Variants in RBBP6 observed in about 807,000 individuals in gnomAD.
RBBP6 encodes the protein RB binding protein 6, ubiquitin ligase, also known as E3 ubiquitin-protein ligase RBBP6.
RBBP6 carries 25 observed loss-of-function variants against 167.7 expected under a neutral mutation model. That is an observed-to-expected ratio of 0.15 (90% confidence interval 0.11 to 0.21). The LOEUF is 0.21. Among genes scored for constraint, RBBP6 ranks in the 10% least tolerant of loss-of-function variants. The pLI, the probability that RBBP6 is intolerant of heterozygous loss-of-function variation, is 1.00. For synonymous variants in RBBP6, 789 were observed against 735.8 expected (o/e 1.07, Z -1.17); for missense variants, 1,868 against 2,134.2 (o/e 0.88, Z 2.46).
chr16:24,572,047 A>G lies in RBBP6; in HGVS notation c.4981A>G (p.Ile1661Val), dbSNP rs151180469. ...SVKEEESSGN[I>V]SKDLKDKIVE... Reference sequence around the variant, plus strand: ...AAAAGAAGAGGAATCTTCAGGAAACATTTCTAAGGACCTGAAAGATAAAAT... The same window carrying G: ...AAAAGAAGAGGAATCTTCAGGAAACGTTTCTAAGGACCTGAAAGATAAAAT... Residue 1661 changes from isoleucine (I) to valine (V), a missense_variant, in exon 18 of 18, where the codon ATT (isoleucine) becomes GTT (valine). By Grantham distance (29) the Ile-to-Val change is conservative. Transcript: ENST00000319715. The G allele has an allele frequency of 1.5e-4, 246 of 1,614,068 alleles. No homozygotes were observed. The highest frequency in any genetic ancestry group is 2.0e-4 in the Non-Finnish European group (232 of 1,180,020).
At chr16:24,543,635 G>T (rs897975430) in intron 1 of RBBP6, among the ~76,000 whole-genome samples, 5 of 151,944 alleles carry the variant, frequency 3.3e-5, no homozygotes, top group African/African-American at 1.2e-4. Flanking sequence ...AGACTGAAAC[G>T]CTTGGGTCAG....
chr16:24,556,952 C>T (rs994415000), intron 7 of RBBP6, among the ~76,000 whole-genome samples: 10 of 150,646 alleles, frequency 6.6e-5, no homozygotes, highest in African/African-American at 2.2e-4. Context: ...TTTTATAAAC[C>T]ACTAGTTCAG....
chr16:24,545,307 C>T (rs373497987), intron 1 of RBBP6, among the ~76,000 whole-genome samples: 11 of 152,212 alleles, frequency 7.2e-5, no homozygotes, highest in African/African-American at 2.4e-4. Context: ...CTCCTGACCT[C>T]GTGATCCGCC....
At chr16:24,548,622 T>G (rs1898722295) in intron 2 of RBBP6, among the ~76,000 whole-genome samples, 3 of 152,200 alleles carry the variant, frequency 2.0e-5, no homozygotes, top group Admixed American at 1.3e-4. Context: ...ATTTTCAGTT[T>G]ATTAAGAATA....
chr16:24,563,495 A>G lies in RBBP6; in HGVS notation c.1459A>G (p.Thr487Ala). ...QSLLHGQLIP[T>A]TGPVRINTAR... Reference sequence around the variant, plus strand: ...ATTATTGCATGGACAGTTGATCCCCACAACTGGTGAGTAAGATCACTTTGG... The same window carrying G: ...ATTATTGCATGGACAGTTGATCCCCGCAACTGGTGAGTAAGATCACTTTGG... Residue 487 changes from threonine (T) to alanine (A), a missense_variant, in exon 12 of 18, where the codon ACA (threonine) becomes GCA (alanine). Around this residue, in one of 7 missense-constraint regions of RBBP6, gnomAD observed 245 missense variants for 240.1 expected, o/e 1.02. Coordinates refer to ENST00000319715, the MANE Select transcript of RBBP6 (RefSeq NM_006910.5). The G allele has an allele frequency of 1.2e-6, 2 of 1,612,768 alleles. No homozygotes were observed. Among genetic ancestry groups the G allele is most frequent in the Non-Finnish European group, 1.7e-6 (2 of 1,179,690 alleles).
intron 17 of RBBP6, 92 bp from the exon 18 acceptor site, chr16:24,570,784 T>C: frequency 9.2e-7 from 1 of 1,084,114 alleles, no homozygotes; most frequent in Non-Finnish European, 1.2e-6. Context: ...AAAAGGACAT[T>C]TGTGTTTAAG....
Position 24,570,028 on chromosome 16 carries a change from A to G in RBBP6, c.3338A>G (p.Asp1113Gly), listed in dbSNP as rs775506421. The G allele has an allele frequency of 6.2e-7, 1 of 1,606,596 alleles. No homozygotes were observed. Among genetic ancestry groups the G allele is most frequent in the Admixed American group, 1.7e-5 (1 of 57,978 alleles). Reference protein sequence around the residue: ...KPVKEEKVKKDYSKDVKSEKL... With the variant: ...KPVKEEKVKKGYSKDVKSEKL... ...GTCAAAGAGGAAAAAGTGAAGAAGG[A>G]CTATTCCAAAGATGTCAAATCAGAA... Residue 1113 changes from aspartate to glycine, a missense_variant, in exon 17 of 18, where the codon GAC becomes GGC. By Grantham distance (94) the Asp-to-Gly change is moderately conservative. This residue lies in a region of RBBP6 where 673 missense variants were observed against 691.5 expected (regional missense o/e 0.97). Coordinates refer to ENST00000319715, the MANE Select transcript of RBBP6 (RefSeq NM_006910.5).
At chr16:24,542,549 C>A (rs1257280196) in intron 1 of RBBP6, among the ~76,000 whole-genome samples, 1 of 152,066 alleles carries the variant, frequency 6.6e-6, no homozygotes, top group African/African-American at 2.4e-5. Flanking sequence ...ACCTCCGCCT[C>A]CCTGGTTTGA....
chr16:24,571,012 G>T lies in RBBP6; in HGVS notation c.3946G>T (p.Val1316Phe). The change falls in exon 18 of 18, where the codon GTT (valine) becomes TTT (phenylalanine). Residue 1316 changes from valine to phenylalanine, a missense_variant. Physicochemically the swap from Val to Phe is conservative, Grantham distance 50 (BLOSUM62 -1). Around this residue, in one of 7 missense-constraint regions of RBBP6, gnomAD observed 19 missense variants for 40.5 expected, o/e 0.47. Coordinates refer to ENST00000319715, the MANE Select transcript of RBBP6 (RefSeq NM_006910.5). ...TGAAGATGTTATCATTATGATTCAG[G>T]TTCCTCAATCCAAATGGGATAAAGA... ...PAEDVIIMIQ[V>F]PQSKWDKDDF... The T allele has an allele frequency of 6.2e-7, 1 of 1,612,788 alleles. No homozygotes were observed. Among genetic ancestry groups the T allele is most frequent in the Non-Finnish European group, 8.5e-7 (1 of 1,178,878 alleles).
chr16:24,557,349 A>T (rs1026291987), intron 7 of RBBP6, among the ~76,000 whole-genome samples: 2 of 152,168 alleles, frequency 1.3e-5, no homozygotes, highest in African/African-American at 4.8e-5. Flanking sequence ...AAATGGACAG[A>T]CATGAAAATT....
chr16:24,558,376 CTT>C, intron 7 of RBBP6: 1 of 698,394 alleles, frequency 1.4e-6, no homozygotes, highest in Non-Finnish European at 1.8e-6. Flanking sequence ...CTGTTCTCCT[CTT>C]TTTTTCTTTT....
intron 7 of RBBP6, among the ~76,000 whole-genome samples, chr16:24,557,191 G>A (rs780838888): frequency 6.6e-6 from 1 of 151,834 alleles, no homozygotes; most frequent in East Asian, 1.9e-4. Flanking sequence ...TAGTAGAGAC[G>A]GAGTTTCACC....
intron 3 of RBBP6, chr16:24,552,966 T>C (rs1898834551): frequency 6.6e-6 from 1 of 151,946 alleles, no homozygotes; most frequent in Admixed American, 6.6e-5. Context: ...AAAGCTGTGG[T>C]TTCTTTGACA....
In RBBP6 at chr16:24,564,844, G is replaced by T; in HGVS notation, c.1568G>T (p.Arg523Ile). The T allele has an allele frequency of 6.2e-7, 1 of 1,613,062 alleles. No homozygotes were observed. The highest frequency in any genetic ancestry group is 8.5e-7 in the Non-Finnish European group (1 of 1,179,414). ...YLVSPPQQIRRGERSCYRSIN... is the reference protein window; with the variant it reads ...YLVSPPQQIRIGERSCYRSIN... ...GTTTCTCCACCACAACAAATTAGAA[G>T]AGGGGAGAGGAGCTGCTACAGGTAG... Residue 523 changes from arginine (R) to isoleucine (I), a missense_variant, in exon 14 of 18, where the codon AGA becomes ATA. Coordinates refer to ENST00000319715, the MANE Select transcript of RBBP6 (RefSeq NM_006910.5).
rs560099767 is a variant in RBBP6 at position 24,559,298 on chromosome 16, C to T, written c.675-207C>T. Among the ~76,000 whole-genome samples the T allele has an allele frequency of 4.6e-5, 7 of 152,046 alleles. No individual in the cohort carries two copies. In the East Asian group the frequency reaches 1.4e-3, roughly 29 times the overall value. On this transcript the variant is annotated intron_variant, in intron 7 of 17. Coordinates refer to ENST00000319715, the MANE Select transcript of RBBP6 (RefSeq NM_006910.5). ...TTGTTTTTGTAGCATTTCTTTGCTT[C>T]TTTTTGTTATGCTTGTTTAGACTTT...
chr16:24,570,053 A>G lies in RBBP6; in HGVS notation c.3363A>G (p.Glu1121=), dbSNP rs1175080063. 6.2e-7 allele frequency: 1 copy of G among 1,609,130 alleles called. No individual in the cohort carries two copies. The highest frequency in any genetic ancestry group is 1.1e-5 in the South Asian group (1 of 89,554). Residue 1121 remains glutamate (E), a synonymous_variant, in exon 17 of 18, where the codon GAA becomes GAG. Coordinates refer to ENST00000319715, the MANE Select transcript of RBBP6 (RefSeq NM_006910.5). ...KKDYSKDVKS[E]KLTTKEEKAK... ...ACTATTCCAAAGATGTCAAATCAGA[A>G]AAGCTAACAACTAAGGAAGAAAAGG...
Position 24,569,909 on chromosome 16 carries a change from A to G in RBBP6, c.3219A>G (p.Lys1073=), listed in dbSNP as rs576728315. 1 of 1,610,364 alleles carries G rather than the reference A, an allele frequency of 6.2e-7. No individual in the cohort carries two copies. Among genetic ancestry groups the G allele is most frequent in the South Asian group, 1.1e-5 (1 of 90,012 alleles). Residue 1073 remains lysine, a synonymous_variant, in exon 17 of 18, where the codon AAA becomes AAG. Transcript: ENST00000319715. ...AGACTCCGAAGACTGACAATACTAA[A>G]TCATCATCTTCCTCTCAGAAGGATG... ...KEETPKTDNT[K]SSSSSQKDEK...
chr16:24,550,006 A>T (rs565961105), intron 3 of RBBP6, among the ~76,000 whole-genome samples: 5 of 152,010 alleles, frequency 3.3e-5, no homozygotes, highest in Admixed American at 3.3e-4. Context: ...TTCATAACAC[A>T]GGTCTATCAT....
intron 16 of RBBP6, 50 bp from the exon 17 acceptor site, chr16:24,568,695 A>G (rs1474777343): frequency 1.3e-6 from 2 of 1,543,224 alleles, no homozygotes; most frequent in South Asian, 2.6e-5. Context: ...TCTGTGTTTT[A>G]TTTTGTATGT....
Sources: gnomAD v4.1 joint callset for allele counts (sites outside exome capture counted in the v4.1 genomes callset) on GRCh38, gnomAD v4.1.1 for gene constraint, gnomAD v4.1.1 regional missense constraint, MANE v1.5 for transcripts, NCBI Gene and HGNC (gene_info 2026-07-23, HGNC 2026-07-21) for gene names.